Variants in PIGN observed in about 807,000 individuals in gnomAD.
PIGN encodes GPI ethanolamine phosphate transferase 1.
In PIGN, 117 loss-of-function variants were observed where a neutral mutation model predicts 125.4. The ratio of observed to expected loss-of-function variants is 0.93; its 90% CI spans 0.80 to 1.09. The LOEUF is 1.09. Ranked by LOEUF, PIGN falls within the 50% of genes least tolerant of loss-of-function variation. PIGN has a pLI of 0.00. For missense variants in PIGN, 1,075 were observed against 1,094.9 expected (o/e 0.98, Z 0.26); for synonymous variants, 392 against 377.8 (o/e 1.04, Z -0.44).
intron 30 of PIGN, chr18:62,053,081 A>G: frequency 3.6e-6 from 1 of 279,058 alleles, no homozygotes; most frequent in East Asian, 5.3e-5. Context: ...TCTAAATTAT[A>G]TTTGCTAGCT....
At chr18:62,063,157 C>A (rs1200356840) in intron 30 of PIGN, among the ~76,000 whole-genome samples, 1 of 151,294 alleles carries the variant, frequency 6.6e-6, no homozygotes, top group African/African-American at 2.4e-5. Context: ...TGGACCATAT[C>A]AAAATAAAAA....
At chr18:62,073,170 GGTGTGTGT>G (rs34182707) in intron 29 of PIGN, among the ~76,000 whole-genome samples, 155 of 145,484 alleles carry the variant, frequency 1.1e-3, no homozygotes, top group African/African-American at 3.9e-3. Flanking sequence ...AATTATCAGG[GGTGTGTGT>G]GTGTGTGTGT....
Position 62,114,568 on chromosome 18 carries a change from T to A in PIGN, c.1244A>T (p.Asp415Val). The A allele has an allele frequency of 6.6e-7, 1 of 1,513,232 alleles. No individual in the cohort carries two copies. Among genetic ancestry groups the A allele is most frequent in the Non-Finnish European group, 9.0e-7 (1 of 1,111,958 alleles). 93.7% of individuals were successfully genotyped at this position (1,513,232 alleles called of 1,614,324 possible). The change falls in exon 15 of 31, where the codon GAT (aspartate) becomes GTT (valine). Residue 415 changes from aspartate to valine, a missense_variant. Physicochemically the swap from Asp to Val is radical, Grantham distance 152. Coordinates refer to ENST00000640252, the MANE Select transcript of PIGN (RefSeq NM_176787.5). Reference sequence around the variant, plus strand: ...TAAGGCCGGTATACTTACCACTTCATCAAACTTTCTGTGTTTTATATAAGA... The same window carrying A: ...TAAGGCCGGTATACTTACCACTTCAACAAACTTTCTGTGTTTTATATAAGA... ...ARSYIKHRKF[D>V]EVVSLCKELI...
At chr18:62,039,029 T>A (rs960277672), downstream of PIGN, among the ~76,000 whole-genome samples, 10 of 151,806 alleles carry the variant, frequency 6.6e-5, no homozygotes, top group African/African-American at 2.4e-4. Context: ...CTAACATGGC[T>A]CAGAGAGGAG....
intron 5 of PIGN, 107 bp from the exon 6 acceptor site, chr18:62,157,334 A>C (rs2036775469): frequency 3.5e-6 from 2 of 579,352 alleles, no homozygotes; most frequent in Non-Finnish European, 6.0e-6. Flanking sequence ...GAATAAATGC[A>C]AAACTAATAG....
chr18:62,122,755 T>C (rs762925429), intron 14 of PIGN, among the ~76,000 whole-genome samples: 2 of 152,200 alleles, frequency 1.3e-5, no homozygotes, highest in Non-Finnish European at 2.9e-5. Context: ...TGTTTTCTTT[T>C]CAAGAAAGCA....
At chr18:62,151,825 C>T (rs543377589) in intron 7 of PIGN, among the ~76,000 whole-genome samples, 2 of 152,294 alleles carry the variant, frequency 1.3e-5, no homozygotes, top group African/African-American at 2.4e-5. Context: ...GCCGGTAATT[C>T]AGATACCTTG....
intron 2 of PIGN, 105 bp from the exon 3 acceptor site, chr18:62,162,434 G>C (rs1369184245): frequency 6.6e-6 from 1 of 152,012 alleles, no homozygotes; most frequent in Non-Finnish European, 1.5e-5. Flanking sequence ...CCAAGGATGA[G>C]GTAATTTTAG....
At position 62,033,827 on chromosome 18, in the gene PIGN, G is replaced by A. The variant is rs986379797; in HGVS notation, c.2143-16086C>T. ...TAAGAAGCTAATGTTCTTATTCAGA[G>A]GTGAAGCCTGTAAACAAATTTAATA... On this transcript the variant is annotated intron_variant, in intron 23 of 24. Coordinates refer to the PIGN transcript ENST00000639600. Among the ~76,000 whole-genome samples the A allele has an allele frequency of 1.3e-5, 2 of 152,126 alleles. 1 individual carries two copies. Among genetic ancestry groups the A allele is most frequent in the Non-Finnish European group, 2.9e-5 (2 of 68,014 alleles).
intron 12 of PIGN, among the ~76,000 whole-genome samples, chr18:62,139,939 A>T (rs1231368406): frequency 6.6e-6 from 1 of 152,200 alleles, no homozygotes; most frequent in Non-Finnish European, 1.5e-5. Flanking sequence ...AATCACCAAT[A>T]TCTTTTCAAT....
intron 30 of PIGN, among the ~76,000 whole-genome samples, chr18:62,068,751 A>T (rs1246240829): frequency 6.6e-6 from 1 of 152,106 alleles, no homozygotes; most frequent in African/African-American, 2.4e-5. Context: ...CCTTCTGGCC[A>T]CTTCTTTCAG....
At chr18:62,052,286 A>G (rs1599401533) in intron 30 of PIGN, 1 of 151,428 alleles carries the variant, frequency 6.6e-6, no homozygotes, top group Admixed American at 6.6e-5. Flanking sequence ...TGATCTGTCT[A>G]ATGTTGACAG....
intron 1 of PIGN, among the ~76,000 whole-genome samples, chr18:62,183,175 G>A (rs1356322065): frequency 6.6e-6 from 1 of 151,796 alleles, no homozygotes; most frequent in Non-Finnish European, 1.5e-5. Context: ...ATTTCACAAT[G>A]TATATAAACT....
rs1341720994 is a variant in PIGN at position 62,090,506 on chromosome 18, TAG to T, written c.2251_2252del (p.Leu751ThrfsTer8). 8.1e-6 allele frequency: 13 copies of T among 1,609,550 alleles called. No individual in the cohort carries two copies. In the Admixed American group the frequency reaches 2.2e-4, roughly 27 times the overall value. On this transcript the variant is annotated frameshift_variant, in exon 24 of 31. Transcript: ENST00000640252. LOFTEE classifies it high-confidence loss of function. ...FVWINIEQET[L>X]QQSGVCCKQK... ...GTTTACAGCAAACACCAGATTGTTG[TAG>T]AGTTTCTTGTTCTATGTTTATCCAG...
intron 23 of PIGN, among the ~76,000 whole-genome samples, chr18:62,022,227 A>G (rs2030061748): frequency 6.6e-6 from 1 of 152,176 alleles, no homozygotes; most frequent in Non-Finnish European, 1.5e-5. Context: ...CTATGGGGCA[A>G]AAATATTGGG....
At position 62,109,853 on chromosome 18, in the gene PIGN, A is replaced by G. The variant is rs1251164935; in HGVS notation, c.1555T>C (p.Trp519Arg). 4 of 1,612,642 alleles carry G rather than the reference A, an allele frequency of 2.5e-6. No individual in the cohort carries two copies. Among genetic ancestry groups the G allele is most frequent in the Non-Finnish European group, 2.5e-6 (3 of 1,179,120 alleles). ...YVYGLLPLPI[W>R]YAVLREFQVI... ...ACTTACTCTCTTAGAACCGCATACCATATTGGCAGTGGCAACAAACCATAT... is the reference window on the plus strand; with the variant it reads ...ACTTACTCTCTTAGAACCGCATACCGTATTGGCAGTGGCAACAAACCATAT... The change falls in exon 17 of 31, where the codon TGG becomes CGG. Residue 519 changes from tryptophan to arginine, a missense_variant. Transcript: ENST00000640252.
chr18:62,026,674 G>A (rs1265972773), intron 23 of PIGN, among the ~76,000 whole-genome samples: 1 of 152,136 alleles, frequency 6.6e-6, no homozygotes, highest in African/African-American at 2.4e-5. Flanking sequence ...TTCTTCACAC[G>A]GAGAACCCCA....
At chr18:62,033,768 TC>T (rs2030223746) in intron 23 of PIGN, among the ~76,000 whole-genome samples, 1 of 152,204 alleles carries the variant, frequency 6.6e-6, no homozygotes, top group Non-Finnish European at 1.5e-5. Flanking sequence ...ACCAGCTGTA[TC>T]ATCTATACCC....
At chr18:62,155,240 A>T (rs2036682797) in intron 6 of PIGN, among the ~76,000 whole-genome samples, 1 of 152,124 alleles carries the variant, frequency 6.6e-6, no homozygotes, top group African/African-American at 2.4e-5. Context: ...CAGTTTAGTG[A>T]ATTTCTGAGT....
Sources: allele counts gnomAD v4.1 joint callset (sites outside exome capture counted in the v4.1 genomes callset), GRCh38; gene constraint gnomAD v4.1.1; transcripts MANE v1.5; gene names NCBI Gene and HGNC (gene_info 2026-07-23, HGNC 2026-07-21).